The following FGF13 variants were observed in gnomAD, a reference collection of about 807,000 sequenced individuals.
The protein encoded by FGF13 is fibroblast growth factor 13.
A neutral mutation model predicts 19.5 loss-of-function variants in FGF13; 2 were observed. The ratio of observed to expected loss-of-function variants is 0.10; its 90% CI spans 0.04 to 0.32. The LOEUF is 0.32. Ranked by LOEUF, FGF13 falls within the 10% of genes least tolerant of loss-of-function variation. The pLI, the probability that FGF13 is intolerant of heterozygous loss-of-function variation, is 1.00. For synonymous variants in FGF13, 72 were observed against 76.9 expected, an observed-to-expected ratio of 0.94 and a Z score of 0.33; for missense variants, 113 against 192.7, an observed-to-expected ratio of 0.59 and a Z score of 2.45.
At chrX:139,036,187 T>C (rs776361464) in intron 1 of FGF13, among the ~76,000 whole-genome samples, 4 of 111,534 alleles carry the variant, frequency 3.6e-5, no homozygotes, top group African/African-American at 6.5e-5. Flanking sequence ...TTAAGCCTCA[T>C]AGGATATGGA....
At chrX:138,929,273 G>C (rs746959092) in intron 1 of FGF13, among the ~76,000 whole-genome samples, 7 of 86,166 alleles carry the variant, frequency 8.1e-5, no homozygotes, top group East Asian at 3.7e-4. Flanking sequence ...GTGTCTCTCT[G>C]TGTGTGTGTG....
chrX:138,899,194 T>G (rs1469753087), intron 1 of FGF13, among the ~76,000 whole-genome samples: 1 of 111,366 alleles, frequency 9.0e-6, no homozygotes, highest in Non-Finnish European at 1.9e-5. Flanking sequence ...AAAGCTTGTG[T>G]TTTTTGGGGG....
intron 1 of FGF13, among the ~76,000 whole-genome samples, chrX:138,949,018 A>T (rs1180275531): frequency 8.9e-6 from 1 of 112,101 alleles, no homozygotes; most frequent in African/African-American, 3.2e-5. Flanking sequence ...ACAGGTGAAG[A>T]AATCCAGTCA....
chrX:138,806,925 T>G (rs762858691), intron 3 of FGF13: 15 of 111,384 alleles, frequency 1.3e-4, no homozygotes, highest in African/African-American at 4.9e-4. Flanking sequence ...GAATATTCCA[T>G]GAAAATGTGT....
intron 3 of FGF13, among the ~76,000 whole-genome samples, chrX:138,781,460 C>T (rs1333221451): frequency 1.8e-5 from 2 of 109,071 alleles, no homozygotes; most frequent in Non-Finnish European, 3.8e-5. Context: ...ATCAAATAGA[C>T]ACAATAAAAA....
At chrX:138,654,827 T>C (rs2089419565) in intron 3 of FGF13, among the ~76,000 whole-genome samples, 1 of 111,497 alleles carries the variant, frequency 9.0e-6, no homozygotes, top group African/African-American at 3.3e-5. Flanking sequence ...CTCATTTTTT[T>C]TGGTAAACTT....
In FGF13 at chrX:139,178,662, C is replaced by G. The variant is rs138897501; in HGVS notation, c.-113+24754G>C. 5.9e-3 allele frequency among the ~76,000 whole-genome samples: 663 copies of G among 112,169 alleles called. 12 individuals are homozygous for G. Among genetic ancestry groups the G allele is most frequent in the Admixed American group, 0.048 (503 of 10,586 alleles). On this transcript the variant is annotated intron_variant, in intron 1 of 2. Coordinates refer to the FGF13 transcript ENST00000421460. ...AGACAAGATATCTCAAGAGCCAGTTCTTCATCTAAGGTCTTTAAACAAACA... is the reference window on the plus strand; with the variant it reads ...AGACAAGATATCTCAAGAGCCAGTTGTTCATCTAAGGTCTTTAAACAAACA...
chrX:138,704,793 T>G lies in FGF13; in HGVS notation c.299-1706A>C, dbSNP rs766940853. ...AATTAAAAGCTGTGCCCTTCTGTTA[T>G]GTGAGGTAAAGGAATGTAATTGCAC... On this transcript the variant is annotated intron_variant, in intron 2 of 4. Transcript: ENST00000315930. Among the ~76,000 whole-genome samples the G allele has an allele frequency of 8.9e-5, 10 of 112,419 alleles. No homozygotes were observed. The South Asian group carries it at 3.7e-3, about 42-fold the overall frequency.
intron 3 of FGF13, among the ~76,000 whole-genome samples, chrX:138,824,937 T>A (rs2091024355): frequency 8.9e-6 from 1 of 112,127 alleles, no homozygotes; most frequent in Non-Finnish European, 1.9e-5. Flanking sequence ...TTTTCTCCTC[T>A]GGGCATTTCC....
chrX:138,901,402 T>C (rs1043298205), intron 1 of FGF13, among the ~76,000 whole-genome samples: 3 of 111,319 alleles, frequency 2.7e-5, no homozygotes, highest in Non-Finnish European at 5.6e-5. Flanking sequence ...TTTGTAATCA[T>C]CAGGAAACTT....
intron 1 of FGF13, among the ~76,000 whole-genome samples, chrX:138,885,568 G>A (rs760959488): frequency 4.0e-4 from 44 of 108,965 alleles, no homozygotes; most frequent in Non-Finnish European, 7.0e-4. Context: ...CTCTACTTCA[G>A]CCACATTGGA....
intron 1 of FGF13, among the ~76,000 whole-genome samples, chrX:139,064,536 A>G (rs1450473055): frequency 9.1e-6 from 1 of 110,127 alleles, no homozygotes; most frequent in Admixed American, 9.7e-5. Flanking sequence ...TCTCCTGACC[A>G]TAGAGCAGAG....
At chrX:138,782,831 A>G (rs1490086190) in intron 3 of FGF13, among the ~76,000 whole-genome samples, 11 of 99,123 alleles carry the variant, frequency 1.1e-4, no homozygotes, top group African/African-American at 4.1e-4. Context: ...TTCATATGGA[A>G]CCAAAAAAGA....
Position 138,631,290 on chromosome X carries a change from G to T in FGF13, c.*1560C>A, listed in dbSNP as rs1569348944. On this transcript the variant is annotated 3_prime_UTR_variant, in exon 5 of 5. Transcript: ENST00000315930. ...GAGGAGAGAAATAAGCAACAGAGAG[G>T]GGAAATGACACTGTGAGTGGCAGAG... is the stretch of plus-strand genomic sequence containing the variant. 1 of 112,103 alleles carries T rather than the reference G, an allele frequency of 8.9e-6. No individual in the cohort carries two copies. Among genetic ancestry groups the T allele is most frequent in the East Asian group, 2.8e-4 (1 of 3,580 alleles). The allele number at this position is 112,103 out of a possible 1,213,427, so 9.2% of individuals were successfully genotyped here. A position where few individuals can be genotyped will look rare whatever the true frequency, so the allele number is the denominator to read the frequency against.
chrX:138,647,080 C>T (rs1385499836), intron 3 of FGF13, among the ~76,000 whole-genome samples: 1 of 110,570 alleles, frequency 9.0e-6, no homozygotes, highest in Non-Finnish European at 1.9e-5. Flanking sequence ...GTGCTCAGAG[C>T]TCAGGGTGAA....
intron 3 of FGF13, among the ~76,000 whole-genome samples, chrX:138,780,716 G>C (rs747653227): frequency 9.2e-6 from 1 of 108,269 alleles, no homozygotes; most frequent in African/African-American, 3.4e-5. Flanking sequence ...ATTAGTAATG[G>C]GAGACTTTAA....
intron 3 of FGF13, among the ~76,000 whole-genome samples, chrX:138,661,126 C>T (rs1243102740): frequency 1.8e-5 from 2 of 111,106 alleles, no homozygotes; most frequent in Non-Finnish European, 3.8e-5. Flanking sequence ...ACCCAAACTA[C>T]GTAAGTTACT....
chrX:138,672,790 G>A (rs1231079071), intron 3 of FGF13, among the ~76,000 whole-genome samples: 2 of 111,515 alleles, frequency 1.8e-5, no homozygotes, highest in Admixed American at 9.6e-5. Context: ...TCAAGGATGA[G>A]TCCTGGAGCC....
chrX:138,921,825 T>C (rs1386912998), intron 1 of FGF13, among the ~76,000 whole-genome samples: 1 of 110,066 alleles, frequency 9.1e-6, no homozygotes, highest in Non-Finnish European at 1.9e-5. Flanking sequence ...ACACTAGTTC[T>C]GCACTGTGCT....
Sources: gnomAD v4.1 joint callset for allele counts (sites outside exome capture counted in the v4.1 genomes callset) on GRCh38, gnomAD v4.1.1 for gene constraint, MANE v1.5 for transcripts, NCBI Gene and HGNC (gene_info 2026-07-23, HGNC 2026-07-21) for gene names.